The following LONP2 variants were observed in gnomAD, a reference collection of about 807,000 sequenced individuals.
LONP2 encodes lon peptidase 2, peroxisomal, also known as lon protease homolog 2, peroxisomal.
A neutral mutation model predicts 85.6 loss-of-function variants in LONP2; 60 were observed. The observed-to-expected ratio is 0.70, with a 90% CI of 0.57 to 0.87. The LOEUF is 0.87. Among genes scored for constraint, LONP2 ranks in the 40% least tolerant of loss-of-function variants. The probability of loss-of-function intolerance (pLI) is 0.00; values close to 1 mark genes in which losing one functional copy is unlikely to be tolerated. For synonymous variants in LONP2, 395 were observed against 389.7 expected (o/e 1.01, Z -0.16); for missense variants, 860 against 1,063.5 (o/e 0.81, Z 2.66).
chr16:48,295,936 C>T, intron 8 of LONP2, 79 bp from the exon 9 acceptor site: 2 of 1,340,498 alleles, frequency 1.5e-6, no homozygotes, highest in South Asian at 1.3e-5. Context: ...CTTGCCAGTA[C>T]ATCATGTGTG....
intron 14 of LONP2, among the ~76,000 whole-genome samples, chr16:48,349,428 G>A (rs1276370583): frequency 7.2e-5 from 11 of 152,030 alleles, no homozygotes; most frequent in Admixed American, 3.9e-4. Context: ...GCGCCACCAC[G>A]CCCGGATAAT....
At chr16:48,251,168 A>G (rs1268179046) in intron 1 of LONP2, among the ~76,000 whole-genome samples, 1 of 152,164 alleles carries the variant, frequency 6.6e-6, no homozygotes, top group Non-Finnish European at 1.5e-5. Context: ...TACATGATTT[A>G]TTATCTTTGA....
At chr16:48,315,021 T>C (rs1172079638) in intron 11 of LONP2, among the ~76,000 whole-genome samples, 1 of 152,206 alleles carries the variant, frequency 6.6e-6, no homozygotes, top group Non-Finnish European at 1.5e-5. Flanking sequence ...TAGGACCTCC[T>C]GGGAAATGCT....
intron 11 of LONP2, among the ~76,000 whole-genome samples, chr16:48,323,836 A>G (rs1474221126): frequency 6.6e-6 from 1 of 152,142 alleles, no homozygotes; most frequent in Non-Finnish European, 1.5e-5. Flanking sequence ...CAGAAAGAAA[A>G]AGGATTTATT....
rs1373524957 is a variant in LONP2 at position 48,352,197 on chromosome 16, C to G, written c.*395C>G. On this transcript the variant is annotated 3_prime_UTR_variant, in exon 15 of 15. Coordinates refer to ENST00000285737, the MANE Select transcript of LONP2 (RefSeq NM_031490.5). ...GAAATCTGTGTTTTAAGAAGCCTTCCAGGTAATTCTGCTGCACACTCAAGT... is the reference window on the plus strand; with the variant it reads ...GAAATCTGTGTTTTAAGAAGCCTTCGAGGTAATTCTGCTGCACACTCAAGT... The G allele has an allele frequency of 5.0e-6, 1 of 199,104 alleles. No homozygotes were observed. The highest frequency in any genetic ancestry group is 1.0e-5 in the Non-Finnish European group (1 of 96,134). 12.3% of individuals were successfully genotyped at this position (199,104 alleles called of 1,614,324 possible).
chr16:48,261,354 A>T, intron 4 of LONP2, 70 bp from the exon 5 acceptor site: 1 of 1,126,954 alleles, frequency 8.9e-7, no homozygotes, highest in Non-Finnish European at 1.2e-6. Flanking sequence ...TCATAATCTT[A>T]TGTGTACCTG....
chr16:48,331,625 C>A (rs556775784), intron 11 of LONP2, among the ~76,000 whole-genome samples: 1 of 148,462 alleles, frequency 6.7e-6, no homozygotes. Context: ...AGTGCAGTGG[C>A]GCGATCTCCG....
At chr16:48,272,405 C>T (rs534000490) in intron 7 of LONP2, among the ~76,000 whole-genome samples, 176 of 152,266 alleles carry the variant, frequency 1.2e-3, no homozygotes, top group African/African-American at 4.1e-3. Context: ...ACAAACATCA[C>T]TGGATTAAAA....
Position 48,296,093 on chromosome 16 carries a change from A to G in LONP2, c.1462A>G (p.Ile488Val). Residue 488 changes from isoleucine to valine, a missense_variant, in exon 9 of 15, where the codon ATA becomes GTA. By Grantham distance (29) the Ile-to-Val change is conservative. This residue lies in a region of LONP2 where 743 missense variants were observed against 917.3 expected (regional missense o/e 0.81). Coordinates refer to ENST00000285737, the MANE Select transcript of LONP2 (RefSeq NM_031490.5). ...VAFDLSQVLFIATANTTATIP... is the reference protein window; with the variant it reads ...VAFDLSQVLFVATANTTATIP... ...CTTTGACCTTTCTCAAGTTCTTTTT[A>G]TAGCTACTGCCAACACCACTGCTAC... 6.2e-7 allele frequency: 1 copy of G among 1,614,176 alleles called. No individual in the cohort carries two copies. Among genetic ancestry groups the G allele is most frequent in the Non-Finnish European group, 8.5e-7 (1 of 1,180,016 alleles).
chr16:48,356,237 A>G lies in LONP2; in HGVS notation c.*4435A>G, dbSNP rs1195258928. The G allele has an allele frequency of 1.3e-5, 2 of 152,644 alleles. No homozygotes were observed. The highest frequency in any genetic ancestry group is 2.9e-5 in the Non-Finnish European group (2 of 68,370). The allele number at this position is 152,644 out of a possible 1,614,324, so 9.5% of individuals were successfully genotyped here. A position where few individuals can be genotyped will look rare whatever the true frequency, so the allele number is the denominator to read the frequency against. ...GATTGGTCTGCATTCACAGTGACCA[A>G]AATCAGCTATGTGGCCAGGTAATTC... On this transcript the variant is annotated 3_prime_UTR_variant, in exon 15 of 15. Coordinates refer to ENST00000285737, the MANE Select transcript of LONP2 (RefSeq NM_031490.5).
At chr16:48,279,660 G>A (rs1337810984) in intron 8 of LONP2, among the ~76,000 whole-genome samples, 1 of 152,070 alleles carries the variant, frequency 6.6e-6, no homozygotes, top group Non-Finnish European at 1.5e-5. Flanking sequence ...TGCTGGGGTG[G>A]GGGAGGGGAT....
At chr16:48,332,625 C>T (rs532748090) in intron 11 of LONP2, among the ~76,000 whole-genome samples, 8 of 152,142 alleles carry the variant, frequency 5.3e-5, no homozygotes, top group Middle Eastern at 3.4e-3. Flanking sequence ...CCAGGAGAAT[C>T]GCTTGAACCC....
At chr16:48,244,651 G>C (rs1279631180) in intron 1 of LONP2, 30 bp downstream of exon 1, 2 of 1,319,792 alleles carry the variant, frequency 1.5e-6, no homozygotes, top group East Asian at 3.1e-5. Flanking sequence ...CGGCGGCGGC[G>C]GGCGGCGCGG....
At chr16:48,332,626 G>T (rs1012346280) in intron 11 of LONP2, among the ~76,000 whole-genome samples, 1 of 152,074 alleles carries the variant, frequency 6.6e-6, no homozygotes, top group South Asian at 2.1e-4. Context: ...CAGGAGAATC[G>T]CTTGAACCCA....
intron 11 of LONP2, among the ~76,000 whole-genome samples, chr16:48,316,596 G>A (rs1373157682): frequency 7.9e-5 from 12 of 152,056 alleles, no homozygotes; most frequent in Non-Finnish European, 1.3e-4. Flanking sequence ...CAAAGTGCTG[G>A]GATTACAGGC....
At chr16:48,254,260 C>T (rs1418210454) in intron 2 of LONP2, among the ~76,000 whole-genome samples, 1 of 152,186 alleles carries the variant, frequency 6.6e-6, no homozygotes, top group Non-Finnish European at 1.5e-5. Context: ...TCACTGACAC[C>T]CTAGTTCTAG....
intron 11 of LONP2, among the ~76,000 whole-genome samples, chr16:48,325,981 A>G (rs746204326): frequency 6.6e-6 from 1 of 152,208 alleles, no homozygotes; most frequent in African/African-American, 2.4e-5. Context: ...AGTAGTCCTA[A>G]TACTGTCTGT....
At chr16:48,258,533 G>T in intron 3 of LONP2, 85 bp from the exon 4 acceptor site, 2 of 1,371,578 alleles carry the variant, frequency 1.5e-6, no homozygotes, top group East Asian at 2.5e-5. Context: ...TTTTAACTTG[G>T]CAATTTAAAC....
At chr16:48,248,653 C>T (rs999817809) in intron 1 of LONP2, among the ~76,000 whole-genome samples, 4 of 151,974 alleles carry the variant, frequency 2.6e-5, no homozygotes, top group African/African-American at 9.7e-5. Flanking sequence ...CTGAACTGAA[C>T]TAACATCATT....
Sources: allele counts gnomAD v4.1 joint callset (sites outside exome capture counted in the v4.1 genomes callset), GRCh38; gene constraint gnomAD v4.1.1; regional missense constraint gnomAD v4.1.1; transcripts MANE v1.5; gene names NCBI Gene and HGNC (gene_info 2026-07-23, HGNC 2026-07-21).